The following C1R variants were observed in gnomAD, a reference collection of about 807,000 sequenced individuals.
C1R encodes complement C1r subcomponent.
In C1R, 15 loss-of-function variants were observed where a neutral mutation model predicts 27.6. That is an observed-to-expected ratio of 0.54 (90% CI 0.36 to 0.84). The LOEUF is 0.84. Among genes scored for constraint, C1R ranks in the 40% least tolerant of loss-of-function variants. The pLI is 0.01. For synonymous variants in C1R, 253 were observed against 228.8 expected (o/e 1.11, Z -0.95); for missense variants, 544 against 577.9 (o/e 0.94, Z 0.60).
chr12:7,088,589 C>G, intron 7 of C1R, 21 bp downstream of exon 7: 2 of 719,490 alleles, frequency 2.8e-6, no homozygotes, highest in Non-Finnish European at 5.2e-6. Context: ...CGGCTCTCTC[C>G]CCTCAGCCCT....
chr12:7,081,919 C>T, intron 10 of C1R, 113 bp downstream of exon 10: 1 of 852,410 alleles, frequency 1.2e-6, no homozygotes, highest in Non-Finnish European at 1.8e-6. Flanking sequence ...CTCCCTTTCT[C>T]CTGGGATGTT....
intron 8 of C1R, 48 bp downstream of exon 8, chr12:7,086,331 G>A: frequency 2.5e-6 from 1 of 398,546 alleles, no homozygotes. Context: ...GGTCCTCAAG[G>A]CAGGAGGTGG....
Position 7,091,282 on chromosome 12 carries a change from G to C in C1R, c.231+170C>G, listed in dbSNP as rs1434774823. Reference sequence around the variant, plus strand: ...CTTCTCCCCTCAGTGCTCACCGAGGGCCTCTACACCAGTGAGCGCCCATCC... The same window carrying C: ...CTTCTCCCCTCAGTGCTCACCGAGGCCCTCTACACCAGTGAGCGCCCATCC... On this transcript the variant is annotated intron_variant, in intron 2 of 10. Transcript: ENST00000647956. The surrounding 1 kb of genome is among the most constrained non-coding windows in gnomAD (Gnocchi z 5.1). The C allele has an allele frequency of 2.3e-5, 14 of 605,882 alleles. No individual in the cohort carries two copies. The highest frequency in any genetic ancestry group is 3.8e-5 in the Non-Finnish European group (13 of 344,152). The allele number at this position is 605,882 out of a possible 1,614,324, so 37.5% of individuals were successfully genotyped here. A position where few individuals can be genotyped will look rare whatever the true frequency, so the allele number is the denominator to read the frequency against.
chr12:7,088,993 G>C lies in C1R; in HGVS notation c.769-7C>G, dbSNP rs1266787976. ...TCTTCCCGTTGGCATAGATCTAGTA[G>C]GGGAGGAGGGTTTTTTTTTTTCAGC... On this transcript the variant is annotated splice_region_variant and splice_polypyrimidine_tract_variant and intron_variant, in intron 5 of 10. Transcript: ENST00000647956. 1 of 716,572 alleles carries C rather than the reference G, an allele frequency of 1.4e-6. No individual in the cohort carries two copies. Among genetic ancestry groups the C allele is most frequent in the South Asian group, 1.6e-5 (1 of 63,490 alleles). 44.4% of individuals were successfully genotyped at this position (716,572 alleles called of 1,614,324 possible). A position where few individuals can be genotyped will look rare whatever the true frequency, so the allele number is the denominator to read the frequency against.
Position 7,091,261 on chromosome 12 carries a change from T to C in C1R, c.231+191A>G. 3 of 580,818 alleles carry C rather than the reference T, an allele frequency of 5.2e-6. No homozygotes were observed. The highest frequency in any genetic ancestry group is 9.0e-6 in the Non-Finnish European group (3 of 331,650). The allele number at this position is 580,818 out of a possible 1,614,324, so 36.0% of individuals were successfully genotyped here. On this transcript the variant is annotated intron_variant, in intron 2 of 10. Transcript: ENST00000647956. This position sits in a 1 kb window ranked among gnomAD's most constrained non-coding sequence, Gnocchi z 5.1. ...CTGTCCCCTTCCTTCTCTGTGCTTCTCCCCTCAGTGCTCACCGAGGGCCTC... is the reference window on the plus strand; with the variant it reads ...CTGTCCCCTTCCTTCTCTGTGCTTCCCCCCTCAGTGCTCACCGAGGGCCTC...
chr12:7,086,038 G>T (rs1007984008), intron 8 of C1R, 22 bp from the exon 9 acceptor site: 29 of 398,726 alleles, frequency 7.3e-5, no homozygotes, highest in Admixed American at 3.1e-4. Context: ...CACAGGGCAG[G>T]GTGAGAGCTG....
At chr12:7,081,843 C>T (rs1023341567) in intron 10 of C1R, among the ~76,000 whole-genome samples, 189 bp downstream of exon 10, 3 of 152,182 alleles carry the variant, frequency 2.0e-5, no homozygotes, top group Admixed American at 1.3e-4. Flanking sequence ...TTTTTATTCC[C>T]TGATTTCCCA....
rs75380747 is a variant in C1R, at chr12:7,081,258, G to T, written c.1392C>A (p.Ile464=). The change falls in exon 11 of 11, where the codon ATC becomes ATA. Residue 464 remains isoleucine (I), a synonymous_variant. Transcript: ENST00000647956. The part of the protein sequence containing the change: ...PVNPVEQRQR[I]IGGQKAKMGN... Reference sequence around the variant, plus strand: ...CCATCTTGGCTTTTTGCCCTCCGATGATGCGCTGCCTCTGTTCCACGGGGT... The same window carrying T: ...CCATCTTGGCTTTTTGCCCTCCGATTATGCGCTGCCTCTGTTCCACGGGGT... 54,328 of 1,612,366 alleles carry T rather than the reference G, an allele frequency of 0.034. 1,248 individuals carry two copies. The highest frequency in any genetic ancestry group is 0.11 in the Middle Eastern group (640 of 6,056).
chr12:7,089,553 AC>A lies in C1R; in HGVS notation c.571+33del, dbSNP rs763446444. ...AGCTGGCCCAGCAAGCCCTGGCTCAACCCCTTCCCCTCTGCTACACCACTCT... is the reference window on the plus strand; with the variant it reads ...AGCTGGCCCAGCAAGCCCTGGCTCAACCCTTCCCCTCTGCTACACCACTCT... On this transcript the variant is annotated intron_variant, in intron 4 of 10. Coordinates refer to ENST00000647956, the MANE Select transcript of C1R (RefSeq NM_001733.7). 10 of 780,478 alleles carry A rather than the reference AC, an allele frequency of 1.3e-5. No individual in the cohort carries two copies. The Admixed American group carries it at 1.5e-4, about 12-fold the overall frequency. The allele number at this position is 780,478 out of a possible 1,614,324, so 48.3% of individuals were successfully genotyped here.
chr12:7,090,177 T>TC lies in C1R; in HGVS notation c.302dup (p.Lys103GlufsTer42), dbSNP rs760060680. ...TCCCTTGGGACATAAATTCCTTCTT[T>TC]CCCGGGGGGTTGCCCAGTGGAGAAC... On this transcript the variant is annotated frameshift_variant, in exon 3 of 11. Coordinates refer to ENST00000647956, the MANE Select transcript of C1R (RefSeq NM_001733.7). LOFTEE classifies it high-confidence loss of function. 1.3e-6 allele frequency: 1 copy of TC among 760,210 alleles called. No individual in the cohort carries two copies. Among genetic ancestry groups the TC allele is most frequent in the South Asian group, 1.4e-5 (1 of 71,400 alleles). 47.1% of individuals were successfully genotyped at this position (760,210 alleles called of 1,614,324 possible).
intron 1 of C1R, 190 bp downstream of exon 1, chr12:7,092,197 G>A: frequency 3.1e-6 from 2 of 654,160 alleles, no homozygotes; most frequent in Non-Finnish European, 5.7e-6. Flanking sequence ...GAGCATCTAT[G>A]TATGAAGTCT....
chr12:7,089,257 G>A lies in C1R; in HGVS notation c.768+36C>T, dbSNP rs1286842368. ...AGAGGAGCCAAGTGCAGACAGAAGG[G>A]GAGGAAGGGGTCTTTCAGGGGTAGG... On this transcript the variant is annotated intron_variant, in intron 5 of 10. Transcript: ENST00000647956. The A allele has an allele frequency of 3.9e-6, 3 of 772,422 alleles. No homozygotes were observed. In the South Asian group the frequency reaches 4.1e-5, roughly 11 times the overall value. The allele number at this position is 772,422 out of a possible 1,614,324, so 47.8% of individuals were successfully genotyped here. A position where few individuals can be genotyped will look rare whatever the true frequency, so the allele number is the denominator to read the frequency against.
At position 7,089,464 on chromosome 12, in the gene C1R, C is replaced by A. The variant is rs369628991; in HGVS notation, c.597G>T (p.Thr199=). The part of the protein sequence containing the change: ...CQAECSSELY[T]EASGYISSLE... ...GGCTGGAGATGTAGCCTGATGCCTCCGTGTACAGCTCGCTGCTGCACTCAG... is the reference window on the plus strand; with the variant it reads ...GGCTGGAGATGTAGCCTGATGCCTCAGTGTACAGCTCGCTGCTGCACTCAG... The change falls in exon 5 of 11, where the codon ACG becomes ACT. Residue 199 remains threonine (T), a synonymous_variant. Transcript: ENST00000647956. 2 of 776,648 alleles carry A rather than the reference C, an allele frequency of 2.6e-6. No individual in the cohort carries two copies. Among genetic ancestry groups the A allele is most frequent in the East Asian group, 4.9e-5 (2 of 41,194 alleles). 48.1% of individuals were successfully genotyped at this position (776,648 alleles called of 1,614,324 possible).
chr12:7,081,312 G>C lies in C1R; in HGVS notation c.1349-11C>G, dbSNP rs986006113. ...CGGGCTTCCCACACACTGAGGGAGA[G>C]ACAGGGAAGACAAGGGCAAGTCAGT... On this transcript the variant is annotated splice_polypyrimidine_tract_variant and intron_variant, in intron 10 of 10. Coordinates refer to ENST00000647956, the MANE Select transcript of C1R (RefSeq NM_001733.7). 1.2e-6 allele frequency: 2 copies of C among 1,604,830 alleles called. No homozygotes were observed. Among genetic ancestry groups the C allele is most frequent in the African/African-American group, 2.7e-5 (2 of 74,726 alleles).
Position 7,088,833 on chromosome 12 carries a change from C to A in C1R, c.916+6G>T, listed in dbSNP as rs774242060. 1.3e-6 allele frequency: 1 copy of A among 772,084 alleles called. No homozygotes were observed. The highest frequency in any genetic ancestry group is 2.4e-6 in the Non-Finnish European group (1 of 413,866). 47.8% of individuals were successfully genotyped at this position (772,084 alleles called of 1,614,324 possible). ...GCCATCGAGGGAGGCCTGCAGGGAG[C>A]CTTACTCTCGGTGGTGTAGCGCAGC... is the stretch of plus-strand genomic sequence containing the variant. On this transcript the variant is annotated splice_donor_region_variant and intron_variant, in intron 6 of 10. Transcript: ENST00000647956.
chr12:7,089,803 A>T, intron 3 of C1R, 70 bp from the exon 4 acceptor site: 2 of 750,234 alleles, frequency 2.7e-6, no homozygotes, highest in East Asian at 5.0e-5. Flanking sequence ...GATCTTAGGG[A>T]GGTCACTCAC....
chr12:7,089,946 G>A (rs1307512128), intron 3 of C1R, 110 bp downstream of exon 3: 1 of 699,294 alleles, frequency 1.4e-6, no homozygotes, highest in African/African-American at 1.8e-5. Flanking sequence ...TCGAGGGGAG[G>A]AACAAGGAAA....
intron 1 of C1R, 107 bp downstream of exon 1, chr12:7,092,280 G>C: frequency 1.3e-6 from 1 of 769,864 alleles, no homozygotes; most frequent in Non-Finnish European, 2.4e-6. Flanking sequence ...GAACTGATGA[G>C]GTGTGTGAAG....
Position 7,083,515 on chromosome 12 carries a change from G to C in C1R, c.1274-1409C>G, listed in dbSNP as rs896817425. ...TGGCAATGGTGGTGGTGGTGATATT[G>C]GTGTTGGTAATGGTGGTGGTGATCA... is the stretch of plus-strand genomic sequence containing the variant. On this transcript the variant is annotated intron_variant, in intron 9 of 10. Transcript: ENST00000647956. Among the ~76,000 whole-genome samples the C allele has an allele frequency of 1.9e-3, 286 of 150,048 alleles. 2 individuals are homozygous for C. The highest frequency in any genetic ancestry group is 6.8e-3 in the African/African-American group (274 of 40,118).
Sources: gnomAD v4.1 joint callset for allele counts (sites outside exome capture counted in the v4.1 genomes callset) on GRCh38, gnomAD v4.1.1 for gene constraint, Gnocchi (gnomAD v3.1) non-coding constraint, MANE v1.5 for transcripts, NCBI Gene and HGNC (gene_info 2026-07-23, HGNC 2026-07-21) for gene names.